Variants in TEX15 observed in about 807,000 individuals in gnomAD.
TEX15 encodes testis expressed 15, meiosis and synapsis associated, also known as testis-expressed protein 15.
Under a neutral mutation model 237.3 loss-of-function variants are expected in TEX15, and 171 were observed. The ratio of observed to expected loss-of-function variants is 0.72; its 90% CI spans 0.64 to 0.82. The LOEUF (loss-of-function observed/expected upper bound fraction) is 0.82. TEX15 is among the 40% of genes least tolerant of loss of function. The probability of loss-of-function intolerance (pLI) is 0.00; values close to 1 mark genes in which losing one functional copy is unlikely to be tolerated. For synonymous variants in TEX15, 1,338 were observed against 1,269.8 expected (o/e 1.05, Z -1.14); for missense variants, 3,750 against 3,646.5 (o/e 1.03, Z -0.73).
At position 30,849,240 on chromosome 8, in the gene TEX15, C is replaced by T; in HGVS notation, c.927G>A (p.Val309=). The change falls in exon 8 of 11, where the codon GTG becomes GTA. Residue 309 remains valine, a synonymous_variant. Transcript: ENST00000643185. ...GKGKDATVTF[V]HFKKPVDPFV... ...ATGGATCTACAGGTTTCTTGAAATG[C>T]ACAAAGGTGACAGTAGCATCTTTTC... The T allele has an allele frequency of 6.5e-7, 1 of 1,536,092 alleles. No individual in the cohort carries two copies. The highest frequency in any genetic ancestry group is 8.7e-7 in the Non-Finnish European group (1 of 1,146,862).
intron 2 of TEX15, chr8:30,888,810 G>A: frequency 2.6e-6 from 1 of 385,440 alleles, no homozygotes; most frequent in Non-Finnish European, 4.7e-6. Flanking sequence ...TTTATGAAAG[G>A]TGATCTTGCA....
chr8:30,840,763 G>T (rs552160137), intron 8 of TEX15, among the ~76,000 whole-genome samples: 1 of 152,036 alleles, frequency 6.6e-6, no homozygotes, highest in Non-Finnish European at 1.5e-5. Flanking sequence ...TTAGAAAAAC[G>T]AATTTCATAT....
intron 3 of TEX15, among the ~76,000 whole-genome samples, chr8:30,881,549 A>G (rs1015798524): frequency 2.7e-5 from 4 of 150,202 alleles, no homozygotes; most frequent in African/African-American, 9.9e-5. Flanking sequence ...TGTCAATTTA[A>G]TTGATCTTTC....
At chr8:30,834,249 T>C (rs1228447167) in intron 10 of TEX15, among the ~76,000 whole-genome samples, 1 of 152,220 alleles carries the variant, frequency 6.6e-6, no homozygotes, top group African/African-American at 2.4e-5. Context: ...CTCGGCTCAC[T>C]GCAACCTCCG....
chr8:30,911,437 G>A (rs890566936), intron 1 of TEX15, among the ~76,000 whole-genome samples: 32 of 152,128 alleles, frequency 2.1e-4, no homozygotes, highest in Non-Finnish European at 4.3e-4. Context: ...CAGGCGTTGA[G>A]CCACAGCGCT....
At chr8:30,902,224 CTTT>C (rs551012450) in intron 1 of TEX15, among the ~76,000 whole-genome samples, 2 of 140,632 alleles carry the variant, frequency 1.4e-5, no homozygotes. Flanking sequence ...CCTTTTCCTC[CTTT>C]TTTTTTTTTT....
At chr8:30,876,392 CT>C (rs1388559135) in intron 3 of TEX15, among the ~76,000 whole-genome samples, 3 of 152,150 alleles carry the variant, frequency 2.0e-5, no homozygotes, top group Admixed American at 6.5e-5. Flanking sequence ...TTTCCTGACT[CT>C]GGGTAATGTG....
At chr8:30,858,219 A>C (rs200008623) in intron 7 of TEX15, among the ~76,000 whole-genome samples, 1,974 of 152,358 alleles carry the variant, frequency 0.013, 45 homozygotes, top group African/African-American at 0.045. Flanking sequence ...AATACTGAGC[A>C]AAATACCTGC....
intron 10 of TEX15, among the ~76,000 whole-genome samples, chr8:30,836,063 T>C (rs1489998195): frequency 3.9e-5 from 6 of 152,206 alleles, no homozygotes; most frequent in African/African-American, 7.2e-5. Context: ...TACCTGAAGA[T>C]AGACAAATTA....
At chr8:30,875,295 G>C (rs1464642356) in intron 3 of TEX15, among the ~76,000 whole-genome samples, 193 bp from the exon 4 acceptor site, 2 of 152,120 alleles carry the variant, frequency 1.3e-5, no homozygotes, top group East Asian at 3.8e-4. Flanking sequence ...ATGAAAATAT[G>C]AACCATGATT....
intron 7 of TEX15, among the ~76,000 whole-genome samples, chr8:30,857,697 A>G (rs1008466552): frequency 2.0e-5 from 3 of 152,228 alleles, no homozygotes; most frequent in Admixed American, 1.3e-4. Flanking sequence ...GAGGAAAAGT[A>G]AAATACAAAA....
At chr8:30,894,086 A>G (rs1808847732) in intron 2 of TEX15, among the ~76,000 whole-genome samples, 1 of 152,150 alleles carries the variant, frequency 6.6e-6, no homozygotes, top group Non-Finnish European at 1.5e-5. Context: ...TACTATCTTC[A>G]TTAATAAAGG....
At chr8:30,855,888 A>C (rs376304828) in intron 7 of TEX15, among the ~76,000 whole-genome samples, 2 of 152,170 alleles carry the variant, frequency 1.3e-5, no homozygotes, top group East Asian at 3.9e-4. Context: ...GCAAATAAGT[A>C]CATTAGTAGT....
intron 5 of TEX15, among the ~76,000 whole-genome samples, chr8:30,863,496 T>TA (rs1585295880): frequency 6.6e-6 from 1 of 152,142 alleles, no homozygotes; most frequent in African/African-American, 2.4e-5. Context: ...TTCTCATCAC[T>TA]GAGTGCTGCT....
At position 30,832,630 on chromosome 8, in the gene TEX15, A is replaced by G. The variant is rs1484389331; in HGVS notation, c.*656T>C. 6.6e-6 allele frequency: 1 copy of G among 152,226 alleles called. No homozygotes were observed. The highest frequency in any genetic ancestry group is 1.5e-5 in the Non-Finnish European group (1 of 68,016). The allele number at this position is 152,226 out of a possible 1,614,324, so 9.4% of individuals were successfully genotyped here. On this transcript the variant is annotated 3_prime_UTR_variant, in exon 11 of 11. Transcript: ENST00000643185. Reference sequence around the variant, plus strand: ...CTCTATTATTTGCTAGAAAATCATTAAAATAACTATTTAAATTGTGAAATC... The same window carrying G: ...CTCTATTATTTGCTAGAAAATCATTGAAATAACTATTTAAATTGTGAAATC...
intron 3 of TEX15, among the ~76,000 whole-genome samples, chr8:30,881,278 A>C (rs932471336): frequency 6.6e-6 from 1 of 151,902 alleles, no homozygotes; most frequent in East Asian, 1.9e-4. Flanking sequence ...CTCAATTTCT[A>C]TTTTCTGGAA....
Position 30,847,628 on chromosome 8 carries a change from T to A in TEX15, c.2539A>T (p.Asn847Tyr), listed in dbSNP as rs201113263. The A allele has an allele frequency of 6.2e-7, 1 of 1,613,626 alleles. No homozygotes were observed. Among genetic ancestry groups the A allele is most frequent in the Non-Finnish European group, 8.5e-7 (1 of 1,179,840 alleles). ...HNLFCNSQLS[N>Y]DIWLNVNFKK... The stretch of plus-strand genomic sequence containing the variant: ...AAATTAACATTCAGCCATATATCAT[T>A]GCTTAACTGTGAATTACAGAACAGA... The change falls in exon 8 of 11, where the codon AAT (asparagine) becomes TAT (tyrosine). Residue 847 changes from asparagine to tyrosine, a missense_variant. Coordinates refer to ENST00000643185, the MANE Select transcript of TEX15 (RefSeq NM_001350162.2).
At chr8:30,898,858 T>C (rs1032838958) in intron 1 of TEX15, 41 bp from the exon 2 acceptor site, 4 of 152,202 alleles carry the variant, frequency 2.6e-5, no homozygotes, top group Non-Finnish European at 5.9e-5. Context: ...TAGAGAATTA[T>C]GATCAGAAGC....
In TEX15 at chr8:30,848,941, C is replaced by T. The variant is rs1187082010; in HGVS notation, c.1226G>A (p.Gly409Asp). 6.2e-7 allele frequency: 1 copy of T among 1,614,002 alleles called. No individual in the cohort carries two copies. The highest frequency in any genetic ancestry group is 1.3e-5 in the African/African-American group (1 of 74,916). The change falls in exon 8 of 11, where the codon GGT becomes GAT. Residue 409 changes from glycine to aspartate, a missense_variant. Transcript: ENST00000643185. ...GTGAAGAGGAAAAGAAGCATTAAGA[C>T]CACTTAAAATATTTTTAAGACTTGT... ...NWTSLKNILS[G>D]LNASFPLHNN...
Sources: allele counts gnomAD v4.1 joint callset (sites outside exome capture counted in the v4.1 genomes callset), GRCh38; gene constraint gnomAD v4.1.1; transcripts MANE v1.5; gene names NCBI Gene and HGNC (gene_info 2026-07-23, HGNC 2026-07-21).